Variants in IDE observed in about 807,000 individuals in gnomAD.
IDE encodes the protein insulin degrading enzyme, also known as insulin-degrading enzyme.
In IDE, 58 loss-of-function variants were observed where a neutral mutation model predicts 133.2. The observed-to-expected ratio is 0.44, with a 90% CI of 0.35 to 0.54. The LOEUF (loss-of-function observed/expected upper bound fraction) is 0.54. Among genes scored for constraint, IDE ranks in the 20% least tolerant of loss-of-function variants. The probability of loss-of-function intolerance (pLI) is 0.00; values close to 1 mark genes in which losing one functional copy is unlikely to be tolerated. For synonymous variants in IDE, 396 were observed against 421.3 expected (o/e 0.94, Z 0.73); for missense variants, 981 against 1,234.0 (o/e 0.79, Z 3.07).
intron 1 of IDE, among the ~76,000 whole-genome samples, chr10:92,555,115 C>T (rs1842949007): frequency 6.6e-6 from 1 of 152,124 alleles, no homozygotes; most frequent in South Asian, 2.1e-4. Flanking sequence ...CCTCTATAAT[C>T]AGGAACAAGC....
At chr10:92,568,555 C>T (rs1339879718) in intron 1 of IDE, among the ~76,000 whole-genome samples, 1 of 152,222 alleles carries the variant, frequency 6.6e-6, no homozygotes, top group East Asian at 1.9e-4. Flanking sequence ...GTGGCCCACG[C>T]CTGTAATCCC....
chr10:92,482,080 A>G (rs1463617526), intron 14 of IDE, among the ~76,000 whole-genome samples: 8 of 152,226 alleles, frequency 5.3e-5, no homozygotes, highest in African/African-American at 1.9e-4. Flanking sequence ...CAATATTTAT[A>G]ATCACTATAA....
At chr10:92,503,811 T>A (rs142712379) in intron 11 of IDE, among the ~76,000 whole-genome samples, 69 of 151,438 alleles carry the variant, frequency 4.6e-4, no homozygotes, top group South Asian at 1.0e-3. Flanking sequence ...CTCCACCTCC[T>A]GGGTTCAAGC....
intron 1 of IDE, among the ~76,000 whole-genome samples, chr10:92,540,966 A>C (rs1842275050): frequency 6.6e-6 from 1 of 152,202 alleles, no homozygotes; most frequent in South Asian, 2.1e-4. Context: ...ATCAGAATCC[A>C]TCACAGCCAT....
Position 92,454,268 on chromosome 10 carries a change from T to C in IDE, c.*176A>G. 1 of 511,020 alleles carries C rather than the reference T, an allele frequency of 2.0e-6. No homozygotes were observed. The highest frequency in any genetic ancestry group is 3.5e-6 in the Non-Finnish European group (1 of 285,738). The allele number at this position is 511,020 out of a possible 1,614,324, so 31.7% of individuals were successfully genotyped here. On this transcript the variant is annotated 3_prime_UTR_variant, in exon 25 of 25. Transcript: ENST00000265986. ...GTATTTAAAAAATATTCTACATCTA[T>C]AAGATTTTGTAATTTACTTTGGATT...
At chr10:92,475,112 G>A (rs1172213399) in intron 16 of IDE, 151 bp from the exon 17 acceptor site, 1 of 615,510 alleles carries the variant, frequency 1.6e-6, no homozygotes, top group Admixed American at 3.3e-5. Flanking sequence ...TTAAGAATGG[G>A]GTTTATTCCT....
At chr10:92,511,251 G>T (rs141651502) in intron 5 of IDE, among the ~76,000 whole-genome samples, 2 of 151,814 alleles carry the variant, frequency 1.3e-5, no homozygotes, top group African/African-American at 2.4e-5. Context: ...ACAGGCGTGT[G>T]CCACCACACC....
rs75893174 is a variant in IDE, at chr10:92,546,578, A to G, written c.99-9028T>C. On this transcript the variant is annotated intron_variant, in intron 1 of 24. Transcript: ENST00000265986. The stretch of plus-strand genomic sequence containing the variant: ...AAGGAACAGTAGTACAATTAACATA[A>G]TTAAACCTTCTCAGGTGTGTCTCGA... Among the ~76,000 whole-genome samples, 390 of 152,322 alleles carry G rather than the reference A, an allele frequency of 2.6e-3. 1 individual carries two copies. The highest frequency in any genetic ancestry group is 9.0e-3 in the African/African-American group (374 of 41,578).
intron 1 of IDE, among the ~76,000 whole-genome samples, chr10:92,543,404 G>A (rs1046465289): frequency 6.6e-6 from 1 of 152,048 alleles, no homozygotes; most frequent in Non-Finnish European, 1.5e-5. Flanking sequence ...AATAATACAT[G>A]AACTAAAAAA....
intron 4 of IDE, among the ~76,000 whole-genome samples, chr10:92,521,785 G>C (rs1211549436): frequency 6.6e-6 from 1 of 151,940 alleles, no homozygotes; most frequent in Non-Finnish European, 1.5e-5. Context: ...TAAAAATAAT[G>C]ATTTTTATAA....
At chr10:92,530,797 T>C (rs1358958737) in intron 4 of IDE, among the ~76,000 whole-genome samples, 1 of 152,164 alleles carries the variant, frequency 6.6e-6, no homozygotes, top group African/African-American at 2.4e-5. Flanking sequence ...TTTTGAAAAC[T>C]CCTAATTCTG....
At chr10:92,491,615 G>GTT (rs111226334) in intron 11 of IDE, among the ~76,000 whole-genome samples, 21 of 139,648 alleles carry the variant, frequency 1.5e-4, no homozygotes, top group South Asian at 4.6e-4. Context: ...TTTTGTTTTT[G>GTT]TTTTTTTTTT....
intron 11 of IDE, chr10:92,497,897 C>G (rs1332775855): frequency 1.3e-5 from 2 of 154,866 alleles, no homozygotes; most frequent in African/African-American, 4.8e-5. Flanking sequence ...TATGCTCCAG[C>G]AAATGCACTC....
chr10:92,559,303 C>T (rs768262516), intron 1 of IDE: 2 of 152,168 alleles, frequency 1.3e-5, no homozygotes, highest in Non-Finnish European at 2.9e-5. Flanking sequence ...TAAGTGTTCA[C>T]ATGAAAACTT....
chr10:92,463,984 C>T lies in IDE; in HGVS notation c.2508G>A (p.Gly836=), dbSNP rs1328854107. The change falls in exon 21 of 25, where the codon GGG becomes GGA. Residue 836 remains glycine (G), a synonymous_variant. Transcript: ENST00000265986. The stretch of plus-strand genomic sequence containing the variant: ...CCTGTATGCCATTAGCTCGACGTGG[C>T]CCGCTGAAGACGATATAGCCTGAAA... ...KEQLGYIVFS[G]PRRANGIQGL... is the part of the protein sequence containing the mutation. The T allele has an allele frequency of 6.2e-7, 1 of 1,613,560 alleles. No individual in the cohort carries two copies. The highest frequency in any genetic ancestry group is 8.5e-7 in the Non-Finnish European group (1 of 1,179,556).
At chr10:92,572,735 C>T (rs1843845264) in intron 1 of IDE, among the ~76,000 whole-genome samples, 1 of 152,178 alleles carries the variant, frequency 6.6e-6, no homozygotes, top group African/African-American at 2.4e-5. Flanking sequence ...AAAGCTTCAA[C>T]CAGACTAATC....
At chr10:92,531,134 T>C (rs558986213) in intron 4 of IDE, among the ~76,000 whole-genome samples, 30 of 152,354 alleles carry the variant, frequency 2.0e-4, no homozygotes, top group African/African-American at 6.7e-4. Flanking sequence ...ATTTTTACTC[T>C]AAATGCTTTT....
intron 20 of IDE, 53 bp from the exon 21 acceptor site, chr10:92,464,056 T>C: frequency 3.2e-6 from 5 of 1,545,200 alleles, no homozygotes; most frequent in Non-Finnish European, 4.4e-6. Flanking sequence ...ACCTGGGTCA[T>C]TTTTAATCCT....
At chr10:92,486,857 T>C (rs147600218) in intron 13 of IDE, among the ~76,000 whole-genome samples, 163 of 152,310 alleles carry the variant, frequency 1.1e-3, no homozygotes, top group African/African-American at 3.8e-3. Flanking sequence ...TTAATGTCCA[T>C]GATGCAGCAT....
Sources: gnomAD v4.1 joint callset for allele counts (sites outside exome capture counted in the v4.1 genomes callset) on GRCh38, gnomAD v4.1.1 for gene constraint, MANE v1.5 for transcripts, NCBI Gene and HGNC (gene_info 2026-07-23, HGNC 2026-07-21) for gene names.